PUDP: variants seen among roughly 807,000 people sequenced by gnomAD.
PUDP encodes pseudouridine 5'-phosphatase, also known as pseudouridine-5'-phosphatase.
PUDP carries 8 observed loss-of-function variants against 9.4 expected under a neutral mutation model. That is an observed-to-expected ratio of 0.85 (90% CI 0.50 to 1.53). The LOEUF is 1.53. PUDP is among the 40% of genes most tolerant of loss of function. The pLI is 0.00. For synonymous variants in PUDP, 99 were observed against 80.7 expected (o/e 1.23, Z -1.22); for missense variants, 188 against 189.7 (o/e 0.99, Z 0.05).
chrX:6,850,296 T>A (rs1456629652), intron 3 of PUDP, among the ~76,000 whole-genome samples: 60 of 112,221 alleles, frequency 5.3e-4, no homozygotes, highest in African/African-American at 1.8e-3. Context: ...AGGAATTTAA[T>A]ATCCAATGGG....
intron 3 of PUDP, among the ~76,000 whole-genome samples, chrX:6,795,743 C>T (rs1273043616): frequency 9.0e-6 from 1 of 111,649 alleles, no homozygotes; most frequent in Non-Finnish European, 1.9e-5. Flanking sequence ...CCTCTGGTTG[C>T]AATACAGGCA....
At chrX:6,753,689 C>G (rs980697596) in intron 3 of PUDP, among the ~76,000 whole-genome samples, 7 of 111,743 alleles carry the variant, frequency 6.3e-5, no homozygotes, top group Admixed American at 5.7e-4. Context: ...GGTGTTATCG[C>G]ATTGTGGTTT....
intron 3 of PUDP, among the ~76,000 whole-genome samples, chrX:6,944,182 C>T (rs752930931): frequency 1.7e-4 from 19 of 110,586 alleles, no homozygotes; most frequent in Non-Finnish European, 2.6e-4. Flanking sequence ...TGAGTTCTCA[C>T]GAGATCTGAT....
intron 3 of PUDP, among the ~76,000 whole-genome samples, chrX:6,772,127 G>T (rs1925373507): frequency 8.9e-6 from 1 of 112,077 alleles, no homozygotes; most frequent in African/African-American, 3.2e-5. Context: ...CCTAATCACA[G>T]TGCACATCAC....
At chrX:6,839,979 G>A (rs185056257) in intron 3 of PUDP, among the ~76,000 whole-genome samples, 74 of 110,632 alleles carry the variant, frequency 6.7e-4, no homozygotes, top group African/African-American at 2.3e-3. Flanking sequence ...GGAAGCAACC[G>A]AGATATCCTT....
chrX:6,899,112 G>A (rs958583525), intron 3 of PUDP, among the ~76,000 whole-genome samples: 5 of 112,291 alleles, frequency 4.5e-5, no homozygotes, highest in African/African-American at 1.6e-4. Flanking sequence ...GTGTGACACA[G>A]GCTACTGTCA....
intron 3 of PUDP, among the ~76,000 whole-genome samples, chrX:6,830,971 C>G (rs1926494944): frequency 9.0e-6 from 1 of 111,539 alleles, no homozygotes; most frequent in African/African-American, 3.3e-5. Context: ...TATTATTACT[C>G]AAATCAGTCT....
intron 3 of PUDP, among the ~76,000 whole-genome samples, chrX:7,069,263 A>G (rs1194870762): frequency 1.8e-5 from 2 of 111,198 alleles, no homozygotes; most frequent in Admixed American, 1.9e-4. Context: ...CCCCGAGGCG[A>G]GGTGAGGAGG....
chrX:7,125,117 T>C (rs1049607487), intron 1 of PUDP, among the ~76,000 whole-genome samples: 5 of 111,438 alleles, frequency 4.5e-5, no homozygotes, highest in Non-Finnish European at 9.4e-5. Flanking sequence ...TACAGAACTA[T>C]GTGTGACAAT....
At chrX:7,140,794 C>A (rs1204857386) in intron 1 of PUDP, among the ~76,000 whole-genome samples, 2 of 111,818 alleles carry the variant, frequency 1.8e-5, no homozygotes, top group Non-Finnish European at 3.8e-5. Context: ...AACCCTGCGT[C>A]GAGAAAGTCT....
intron 3 of PUDP, among the ~76,000 whole-genome samples, chrX:6,950,793 G>A (rs751265497): frequency 3.6e-5 from 4 of 111,870 alleles, no homozygotes; most frequent in South Asian, 7.5e-4. Context: ...GCAGTGTCCC[G>A]TAAATAGGTA....
intron 3 of PUDP, among the ~76,000 whole-genome samples, chrX:6,811,122 A>G (rs150944092): frequency 1.8e-5 from 2 of 111,444 alleles, no homozygotes; most frequent in African/African-American, 6.5e-5. Context: ...TCGATTCTCA[A>G]AAATAGGAGT....
intron 3 of PUDP, among the ~76,000 whole-genome samples, chrX:6,751,378 C>G (rs763746852): frequency 1.8e-5 from 2 of 111,264 alleles, no homozygotes; most frequent in African/African-American, 3.3e-5. Flanking sequence ...CGCAAAGTCT[C>G]TGGTTTTCAA....
intron 3 of PUDP, among the ~76,000 whole-genome samples, chrX:6,728,386 G>A (rs774386125): frequency 2.5e-4 from 28 of 110,510 alleles, no homozygotes; most frequent in Admixed American, 5.8e-4. Flanking sequence ...ACACACACAC[G>A]CACACTGTTA....
intron 3 of PUDP, among the ~76,000 whole-genome samples, chrX:6,940,210 G>T (rs182546058): frequency 1.2e-3 from 133 of 113,538 alleles, no homozygotes; most frequent in Non-Finnish European, 9.0e-4. Context: ...GCCAAGCCTG[G>T]CCCTCTGCCT....
intron 3 of PUDP, among the ~76,000 whole-genome samples, chrX:6,790,918 C>CA (rs1925735301): frequency 9.0e-6 from 1 of 111,425 alleles, no homozygotes; most frequent in African/African-American, 3.3e-5. Context: ...AATTTACACA[C>CA]AAAAAGACCT....
chrX:7,101,252 C>G (rs1476582004), intron 2 of PUDP, among the ~76,000 whole-genome samples: 2 of 110,475 alleles, frequency 1.8e-5, no homozygotes, highest in Admixed American at 1.9e-4. Context: ...CACACGCGCA[C>G]ACACAAATCA....
At chrX:7,104,405 G>A (rs747636425) in intron 2 of PUDP, among the ~76,000 whole-genome samples, 1 of 111,939 alleles carries the variant, frequency 8.9e-6, no homozygotes, top group African/African-American at 3.2e-5. Flanking sequence ...TGAGGGCAGG[G>A]CGAAATGGGG....
intron 3 of PUDP, among the ~76,000 whole-genome samples, chrX:6,803,233 C>A (rs1435324087): frequency 9.0e-6 from 1 of 110,810 alleles, no homozygotes; most frequent in Non-Finnish European, 1.9e-5. Flanking sequence ...GAAACCCATG[C>A]AACATTCTTG....
Sources: allele counts gnomAD v4.1 joint callset (sites outside exome capture counted in the v4.1 genomes callset), GRCh38; gene constraint gnomAD v4.1.1; transcripts MANE v1.5; gene names NCBI Gene and HGNC (gene_info 2026-07-23, HGNC 2026-07-21).